Variants in FRMD4B observed in about 807,000 individuals in gnomAD.
FRMD4B encodes FERM domain containing 4B, also known as FERM domain-containing protein 4B.
In FRMD4B, 74 loss-of-function variants were observed where a neutral mutation model predicts 141.5. That is an observed-to-expected ratio of 0.52 (90% CI 0.43 to 0.63). The LOEUF is 0.63. Ranked by LOEUF, FRMD4B falls within the 30% of genes least tolerant of loss-of-function variation. FRMD4B has a pLI of 0.00. For synonymous variants in FRMD4B, 506 were observed against 467.9 expected (o/e 1.08, Z -1.05); for missense variants, 1,366 against 1,253.4 (o/e 1.09, Z -1.36).
At position 69,438,220 on chromosome 3, in the gene FRMD4B, C is replaced by A. The variant is rs543334458; in HGVS notation, c.-128-5459G>T. On this transcript the variant is annotated intron_variant, in intron 1 of 5. Coordinates refer to the FRMD4B transcript ENST00000459638. ...CTTGGCTCATGTGATCCTCCCACCT[C>A]AGCCTCCTGAGCAGCTGGGACTACA... Among the ~76,000 whole-genome samples the A allele has an allele frequency of 4.0e-5, 6 of 151,724 alleles. No homozygotes were observed. The East Asian group carries it at 1.2e-3, about 29-fold the overall frequency.
At chr3:69,469,106 T>G (rs1304350744) in intron 1 of FRMD4B, among the ~76,000 whole-genome samples, 2 of 152,148 alleles carry the variant, frequency 1.3e-5, no homozygotes, top group Non-Finnish European at 2.9e-5. Context: ...TAAATTAATC[T>G]CACACATCTC....
intron 16 of FRMD4B, among the ~76,000 whole-genome samples, chr3:69,194,633 C>T (rs1412219056): frequency 6.6e-6 from 1 of 152,112 alleles, no homozygotes; most frequent in African/African-American, 2.4e-5. Flanking sequence ...GAGGGAAGTC[C>T]AATCATTACC....
At chr3:69,200,020 G>A (rs904281397) in intron 11 of FRMD4B, among the ~76,000 whole-genome samples, 6 of 151,916 alleles carry the variant, frequency 3.9e-5, no homozygotes, top group Admixed American at 3.3e-4. Context: ...GACTTCGGCT[G>A]GATTTTAAAA....
chr3:69,407,699 T>C lies in FRMD4B; in HGVS notation c.-1+24935A>G, dbSNP rs998872293. ...GTCCAGTTGATTGGTAGTGGCTGCC[T>C]GGGCATTGCTTCGAGAAGGATTCTA... On this transcript the variant is annotated intron_variant, in intron 2 of 5. Transcript: ENST00000459638. 2.0e-5 allele frequency among the ~76,000 whole-genome samples: 3 copies of C among 152,240 alleles called. No individual in the cohort carries two copies. The East Asian group carries it at 5.8e-4, about 29-fold the overall frequency.
chr3:69,181,485 G>T lies in FRMD4B; in HGVS notation c.2265C>A (p.Thr755=). 6.2e-7 allele frequency: 1 copy of T among 1,613,892 alleles called. No homozygotes were observed. The highest frequency in any genetic ancestry group is 8.5e-7 in the Non-Finnish European group (1 of 1,179,822). Residue 755 remains threonine (T), a synonymous_variant, in exon 21 of 23, where the codon ACC becomes ACA. Transcript: ENST00000398540. ...TCCGACCCCTGGTGCGAGTGTCCAG[G>T]GTCTGGGTGGTGTAATAGGGGCCGG... ...PVTGPYYTTQ[T]LDTRTRGRRR...
chr3:69,411,424 T>C (rs1259499161), intron 2 of FRMD4B, among the ~76,000 whole-genome samples: 1 of 152,196 alleles, frequency 6.6e-6, no homozygotes, highest in Non-Finnish European at 1.5e-5. Flanking sequence ...TAAATGTATC[T>C]AGGCAATACA....
At chr3:69,451,952 C>T (rs1469575733) in intron 1 of FRMD4B, among the ~76,000 whole-genome samples, 1 of 152,116 alleles carries the variant, frequency 6.6e-6, no homozygotes, top group Non-Finnish European at 1.5e-5. Flanking sequence ...AGATTTCTTT[C>T]CCAGACTCTC....
chr3:69,502,130 C>A (rs1365203555), intron 1 of FRMD4B, among the ~76,000 whole-genome samples: 1 of 152,110 alleles, frequency 6.6e-6, no homozygotes, highest in Non-Finnish European at 1.5e-5. Flanking sequence ...AGATTCAATG[C>A]CATCCCCATC....
chr3:69,453,173 G>T (rs1173267851), intron 1 of FRMD4B, among the ~76,000 whole-genome samples: 1 of 152,198 alleles, frequency 6.6e-6, no homozygotes, highest in Non-Finnish European at 1.5e-5. Flanking sequence ...ATGAAGAGAT[G>T]GGCTTGAGTA....
At chr3:69,395,393 G>A (rs1704457359) in intron 2 of FRMD4B, among the ~76,000 whole-genome samples, 1 of 152,110 alleles carries the variant, frequency 6.6e-6, no homozygotes, top group Admixed American at 6.6e-5. Flanking sequence ...GTACTGAACT[G>A]CAGTACACTG....
At chr3:69,541,440 C>G (rs1340387173) in intron 1 of FRMD4B, 1 of 152,088 alleles carries the variant, frequency 6.6e-6, no homozygotes, top group African/African-American at 2.4e-5. Flanking sequence ...GAGAGAGAGA[C>G]CTCCTCCTGC....
intron 2 of FRMD4B, among the ~76,000 whole-genome samples, chr3:69,424,955 T>C (rs963697737): frequency 1.3e-5 from 2 of 152,204 alleles, no homozygotes; most frequent in Admixed American, 1.3e-4. Context: ...ACTTGAACTA[T>C]AACAGCCTTT....
At chr3:69,350,284 A>G (rs1489752491) in intron 1 of FRMD4B, among the ~76,000 whole-genome samples, 8 of 152,352 alleles carry the variant, frequency 5.3e-5, no homozygotes, top group African/African-American at 1.9e-4. Context: ...ATACCATCTC[A>G]CACCAGTTAG....
At chr3:69,435,520 G>A (rs1705246434) in intron 1 of FRMD4B, among the ~76,000 whole-genome samples, 2 of 152,200 alleles carry the variant, frequency 1.3e-5, no homozygotes, top group Admixed American at 6.5e-5. Context: ...TTTATGTATT[G>A]ATTGTCTATG....
intron 11 of FRMD4B, among the ~76,000 whole-genome samples, chr3:69,211,886 C>G (rs190339439): frequency 1.3e-5 from 2 of 152,268 alleles, no homozygotes; most frequent in East Asian, 3.9e-4. Flanking sequence ...TTTGTGCAAA[C>G]TAGGCCAGGA....
At chr3:69,257,888 G>T (rs1217218526) in intron 5 of FRMD4B, among the ~76,000 whole-genome samples, 1 of 152,154 alleles carries the variant, frequency 6.6e-6, no homozygotes, top group East Asian at 1.9e-4. Context: ...GTGCAATGGT[G>T]CGATCTCAGC....
intron 1 of FRMD4B, among the ~76,000 whole-genome samples, chr3:69,458,610 C>T (rs1167623083): frequency 6.6e-6 from 1 of 152,122 alleles, no homozygotes; most frequent in Non-Finnish European, 1.5e-5. Context: ...CAGCCAAATT[C>T]TCCTCTTTCA....
At chr3:69,496,101 CT>C (rs1456759693) in intron 1 of FRMD4B, among the ~76,000 whole-genome samples, 1 of 152,124 alleles carries the variant, frequency 6.6e-6, no homozygotes, top group Non-Finnish European at 1.5e-5. Flanking sequence ...TCCGTATCAT[CT>C]AATTAACCAT....
intron 5 of FRMD4B, among the ~76,000 whole-genome samples, chr3:69,272,903 C>G (rs1033083343): frequency 6.6e-6 from 1 of 152,184 alleles, no homozygotes; most frequent in African/African-American, 2.4e-5. Flanking sequence ...TTGCCATAAA[C>G]AGGCAGCTAG....
Sources: allele counts gnomAD v4.1 joint callset (sites outside exome capture counted in the v4.1 genomes callset), GRCh38; gene constraint gnomAD v4.1.1; transcripts MANE v1.5; gene names NCBI Gene and HGNC (gene_info 2026-07-23, HGNC 2026-07-21).